The following SLC35D1 variants were observed in gnomAD, a reference collection of about 807,000 sequenced individuals.
SLC35D1 encodes nucleotide sugar transporter SLC35D1.
A neutral mutation model predicts 46.7 loss-of-function variants in SLC35D1; 31 were observed. The ratio of observed to expected loss-of-function variants is 0.66; its 90% CI spans 0.50 to 0.90. The LOEUF (loss-of-function observed/expected upper bound fraction) is 0.90. SLC35D1 is among the 40% of genes least tolerant of loss of function. SLC35D1 has a pLI of 0.00. For missense variants in SLC35D1, 397 were observed against 426.2 expected (o/e 0.93, Z 0.60); for synonymous variants, 195 against 164.6 (o/e 1.18, Z -1.41).
the SLC35D1 span, among the ~76,000 whole-genome samples, chr1:66,982,490 A>G: frequency 7.2e-5 from 11 of 152,240 alleles, no homozygotes; most frequent in African/African-American, 2.4e-4. Flanking sequence ...GTTTCCGTTT[A>G]AAATATACAG....
chr1:67,037,115 A>G (rs1309249146), intron 8 of SLC35D1, among the ~76,000 whole-genome samples: 4 of 151,950 alleles, frequency 2.6e-5, no homozygotes, highest in Admixed American at 1.3e-4. Flanking sequence ...TTAACTTTCT[A>G]TTGTTTCTCT....
At chr1:67,027,284 CTGAT>C (rs1667933666) in intron 8 of SLC35D1, among the ~76,000 whole-genome samples, 2 of 151,698 alleles carry the variant, frequency 1.3e-5, no homozygotes, top group South Asian at 4.2e-4. Flanking sequence ...ACTTTTTGGC[CTGAT>C]TAATTGGCTA....
chr1:67,015,061 T>C (rs1252020619), intron 10 of SLC35D1, among the ~76,000 whole-genome samples: 2 of 148,268 alleles, frequency 1.3e-5, no homozygotes, highest in African/African-American at 2.5e-5. Flanking sequence ...TTAAAAGTAC[T>C]AGATATTAAA....
intron 8 of SLC35D1, among the ~76,000 whole-genome samples, chr1:67,031,002 G>C (rs1668007226): frequency 6.6e-6 from 1 of 152,104 alleles, no homozygotes; most frequent in African/African-American, 2.4e-5. Flanking sequence ...GTAAACATGA[G>C]TCTACATATG....
intron 8 of SLC35D1, chr1:67,031,937 G>A (rs1570629090): frequency 1.9e-6 from 1 of 540,066 alleles, no homozygotes; most frequent in African/African-American, 2.1e-5. Flanking sequence ...TGTTAATCAG[G>A]AAAAAAACAA....
intron 10 of SLC35D1, among the ~76,000 whole-genome samples, chr1:67,016,880 TA>T (rs896882506): frequency 3.3e-5 from 5 of 152,166 alleles, no homozygotes; most frequent in Admixed American, 3.3e-4. Context: ...GTTGACTTTA[TA>T]AAGCCAATAA....
the SLC35D1 span, chr1:66,985,119 TTGAA>T: frequency 8.4e-7 from 1 of 1,194,770 alleles, no homozygotes. Flanking sequence ...ATTAGTAAAT[TTGAA>T]TGAACTAAAG....
At chr1:67,053,681 G>C in intron 1 of SLC35D1, 130 bp downstream of exon 1, 1 of 894,354 alleles carries the variant, frequency 1.1e-6, no homozygotes, top group Non-Finnish European at 1.5e-6. Context: ...TCAGCCGCCC[G>C]CCCTCCCCAG....
intron 5 of SLC35D1, among the ~76,000 whole-genome samples, chr1:67,050,150 T>G (rs943029024): frequency 2.0e-5 from 3 of 152,198 alleles, no homozygotes; most frequent in African/African-American, 7.2e-5. Context: ...ACATGAACAC[T>G]ATTTAAAACC....
the SLC35D1 span, chr1:66,985,595 CAT>C: frequency 3.0e-6 from 3 of 985,202 alleles, no homozygotes; most frequent in Non-Finnish European, 3.6e-6. Flanking sequence ...TTTTACAGTA[CAT>C]ATGTCTTGAC....
the SLC35D1 span, among the ~76,000 whole-genome samples, chr1:66,993,968 C>G: frequency 6.6e-6 from 1 of 152,226 alleles, no homozygotes; most frequent in Non-Finnish European, 1.5e-5. Context: ...GAAAGTACAC[C>G]ATTATGTTTT....
chr1:67,043,114 G>C (rs1645212321), intron 7 of SLC35D1, among the ~76,000 whole-genome samples: 1 of 151,838 alleles, frequency 6.6e-6, no homozygotes, highest in Admixed American at 6.6e-5. Flanking sequence ...AGAATCGCTT[G>C]AACTCAGGAG....
At chr1:66,989,107 T>A in the SLC35D1 span, among the ~76,000 whole-genome samples, 2 of 152,146 alleles carry the variant, frequency 1.3e-5, no homozygotes, top group Non-Finnish European at 2.9e-5. Flanking sequence ...AAAAAAAAAA[T>A]TTCCTGCAGA....
downstream of SLC35D1, among the ~76,000 whole-genome samples, chr1:66,997,375 T>G (rs1016422190): frequency 2.0e-5 from 3 of 151,414 alleles, no homozygotes; most frequent in Non-Finnish European, 4.4e-5. Flanking sequence ...TGTGGTGGTA[T>G]GCACCTCTAC....
chr1:67,045,232 T>G (rs1355118968), intron 7 of SLC35D1, among the ~76,000 whole-genome samples: 1 of 152,256 alleles, frequency 6.6e-6, no homozygotes, highest in African/African-American at 2.4e-5. Flanking sequence ...TTGAATGTCT[T>G]TCTCCCTGCC....
At chr1:66,996,305 C>T (rs1408832311), downstream of SLC35D1, among the ~76,000 whole-genome samples, 1 of 152,222 alleles carries the variant, frequency 6.6e-6, no homozygotes, top group Non-Finnish European at 1.5e-5. Flanking sequence ...AACCAGCCAC[C>T]ATCTCATGCT....
chr1:66,984,307 C>A, the SLC35D1 span, among the ~76,000 whole-genome samples: 2 of 152,274 alleles, frequency 1.3e-5, no homozygotes, highest in Admixed American at 1.3e-4. Context: ...TAGTTCTTTA[C>A]ATTTATTAAC....
At chr1:67,023,044 C>T (rs890820590) in intron 8 of SLC35D1, among the ~76,000 whole-genome samples, 1 of 152,166 alleles carries the variant, frequency 6.6e-6, no homozygotes, top group Non-Finnish European at 1.5e-5. Context: ...AGTATTCTAT[C>T]TTATGGGTAT....
chr1:67,004,550 T>A, intron 11 of SLC35D1, 102 bp from the exon 12 acceptor site: 1 of 921,886 alleles, frequency 1.1e-6, no homozygotes, highest in Non-Finnish European at 1.7e-6. Context: ...AGATGAAGAG[T>A]AAAGTTTCAC....
Sources: gnomAD v4.1 joint callset for allele counts (sites outside exome capture counted in the v4.1 genomes callset) on GRCh38, gnomAD v4.1.1 for gene constraint, MANE v1.5 for transcripts, NCBI Gene and HGNC (gene_info 2026-07-23, HGNC 2026-07-21) for gene names.